The following RBBP5 variants were observed in gnomAD, a reference collection of about 807,000 sequenced individuals.
The protein encoded by RBBP5 is RB binding protein 5, histone lysine methyltransferase complex subunit, also known as retinoblastoma-binding protein 5.
RBBP5 carries 5 observed loss-of-function variants against 72.2 expected under a neutral mutation model. The observed-to-expected ratio is 0.07, with a 90% CI of 0.04 to 0.15. RBBP5 has a LOEUF of 0.15. RBBP5 is among the 10% of genes least tolerant of loss of function. The pLI is 1.00. For missense variants in RBBP5, 322 were observed against 652.2 expected (o/e 0.49, Z 5.51); for synonymous variants, 209 against 237.2 (o/e 0.88, Z 1.09).
At chr1:205,119,860 TG>T (rs1158609895) in intron 1 of RBBP5, among the ~76,000 whole-genome samples, 2 of 152,192 alleles carry the variant, frequency 1.3e-5, no homozygotes, top group Non-Finnish European at 2.9e-5. Flanking sequence ...ATTGTGTGCT[TG>T]GCAATTTTCT....
intron 12 of RBBP5, among the ~76,000 whole-genome samples, chr1:205,095,877 T>C (rs1655592662): frequency 6.6e-6 from 1 of 151,996 alleles, no homozygotes; most frequent in African/African-American, 2.4e-5. Context: ...AGTTGCAAAA[T>C]GTGATCTGCA....
At chr1:205,105,654 G>A (rs991870381) in intron 3 of RBBP5, among the ~76,000 whole-genome samples, 3 of 152,174 alleles carry the variant, frequency 2.0e-5, no homozygotes, top group African/African-American at 7.2e-5. Flanking sequence ...GACAAAAAAG[G>A]TTCTGAAAGG....
intron 3 of RBBP5, among the ~76,000 whole-genome samples, chr1:205,113,588 A>G (rs924781781): frequency 1.3e-5 from 2 of 152,014 alleles, no homozygotes; most frequent in African/African-American, 2.4e-5. Context: ...TTATATTGTG[A>G]TGATGGTTGC....
chr1:205,090,789 T>C (rs1655314250), intron 13 of RBBP5, among the ~76,000 whole-genome samples: 1 of 151,478 alleles, frequency 6.6e-6, no homozygotes, highest in Non-Finnish European at 1.5e-5. Context: ...GTTAATAACA[T>C]CCCACAGAGT....
chr1:205,098,969 C>A lies in RBBP5; in HGVS notation c.1096+20G>T. On this transcript the variant is annotated intron_variant, in intron 10 of 13. Coordinates refer to ENST00000264515, the MANE Select transcript of RBBP5 (RefSeq NM_005057.4). ...TCATTTTCCCTTTAGGAAATCCTGT[C>A]TGCAATTTAGAAATAGTACCTGTCT... 7.0e-7 allele frequency: 1 copy of A among 1,434,932 alleles called. No individual in the cohort carries two copies. Among genetic ancestry groups the A allele is most frequent in the South Asian group, 1.4e-5 (1 of 71,856 alleles). 88.9% of individuals were successfully genotyped at this position (1,434,932 alleles called of 1,614,324 possible).
chr1:205,091,160 T>C (rs1303373518), intron 13 of RBBP5: 1 of 152,282 alleles, frequency 6.6e-6, no homozygotes, highest in Non-Finnish European at 1.5e-5. Flanking sequence ...ATGAGGCCTT[T>C]AGAACGTGTA....
chr1:205,106,566 C>G (rs1226123403), intron 3 of RBBP5, among the ~76,000 whole-genome samples: 2 of 134,156 alleles, frequency 1.5e-5, no homozygotes, highest in African/African-American at 5.0e-5. Context: ...CCACTGGGCT[C>G]CAGCCTAGGC....
intron 1 of RBBP5, among the ~76,000 whole-genome samples, chr1:205,117,818 A>G (rs1042001000): frequency 4.0e-5 from 6 of 151,814 alleles, no homozygotes; most frequent in African/African-American, 1.5e-4. Context: ...ATCCATATAT[A>G]TATTTATTTG....
At position 205,099,628 on chromosome 1, in the gene RBBP5, G is replaced by T; in HGVS notation, c.978+113C>A. 1 of 1,161,616 alleles carries T rather than the reference G, an allele frequency of 8.6e-7. No individual in the cohort carries two copies. The highest frequency in any genetic ancestry group is 1.2e-6 in the Non-Finnish European group (1 of 817,400). 72.0% of individuals were successfully genotyped at this position (1,161,616 alleles called of 1,614,324 possible). A position where few individuals can be genotyped will look rare whatever the true frequency, so the allele number is the denominator to read the frequency against. On this transcript the variant is annotated intron_variant, in intron 9 of 13. Transcript: ENST00000264515. This position sits in a 1 kb window ranked among gnomAD's most constrained non-coding sequence, Gnocchi z 4.7. ...ACTGAACCTATGTAATTTAGGTTGC[G>T]AGAATCATATGCAAAAGAAAATAAA...
chr1:205,116,908 A>C (rs948606069), intron 1 of RBBP5, among the ~76,000 whole-genome samples: 1 of 152,210 alleles, frequency 6.6e-6, no homozygotes, highest in East Asian at 1.9e-4. Context: ...CCTTTAACAA[A>C]AGCAGCGATC....
intron 13 of RBBP5, among the ~76,000 whole-genome samples, chr1:205,093,234 T>C (rs887143469): frequency 2.6e-5 from 4 of 150,964 alleles, no homozygotes; most frequent in African/African-American, 4.9e-5. Context: ...CTGAGGTGGG[T>C]GGATCACTTG....
intron 10 of RBBP5, among the ~76,000 whole-genome samples, chr1:205,098,261 C>T (rs1177500594): frequency 6.6e-6 from 1 of 152,190 alleles, no homozygotes; most frequent in Non-Finnish European, 1.5e-5. Flanking sequence ...TTGCCCAAGG[C>T]AGTCTGACTT....
At chr1:205,096,038 T>A (rs1358205330) in intron 12 of RBBP5, among the ~76,000 whole-genome samples, 1 of 151,412 alleles carries the variant, frequency 6.6e-6, no homozygotes, top group Non-Finnish European at 1.5e-5. Flanking sequence ...ACTAAAAATA[T>A]GAAAATTAGC....
intron 5 of RBBP5, 31 bp from the exon 6 acceptor site, chr1:205,101,740 A>T: frequency 6.8e-7 from 1 of 1,473,532 alleles, no homozygotes; most frequent in Non-Finnish European, 9.5e-7. Flanking sequence ...GAAAAAAGTA[A>T]GTGTTCCAAT....
intron 5 of RBBP5, among the ~76,000 whole-genome samples, 187 bp from the exon 6 acceptor site, chr1:205,101,896 T>C (rs1655839289): frequency 3.4e-4 from 3 of 8,746 alleles, no homozygotes; most frequent in African/African-American, 4.5e-4. Flanking sequence ...AATCTAGTCT[T>C]TTTTTTTTTT....
At chr1:205,093,482 ATATAT>A (rs1655460079) in intron 13 of RBBP5, among the ~76,000 whole-genome samples, 2 of 5,844 alleles carry the variant, frequency 3.4e-4, no homozygotes, top group Admixed American at 4.4e-3. Context: ...AAAAAAAAAT[ATATAT>A]ATATATATAT....
chr1:205,096,646 G>C (rs770915880), intron 12 of RBBP5, 36 bp downstream of exon 12: 1 of 1,584,518 alleles, frequency 6.3e-7, no homozygotes, highest in East Asian at 2.2e-5. Context: ...AGAAAGTGGC[G>C]TCTGCCAGGC....
At chr1:205,110,326 T>C (rs972073501) in intron 3 of RBBP5, among the ~76,000 whole-genome samples, 8 of 152,112 alleles carry the variant, frequency 5.3e-5, no homozygotes, top group Non-Finnish European at 1.0e-4. Flanking sequence ...AGCCAGTACC[T>C]ACCAGTTCTG....
In RBBP5 at chr1:205,086,598, G is replaced by C. The variant is rs530275669; in HGVS notation, c.*2189C>G. Reference sequence around the variant, plus strand: ...GGGCAGGGATGACAAAAAGGAAGAAGAGAATATACATATATTGTACAAATC... The same window carrying C: ...GGGCAGGGATGACAAAAAGGAAGAACAGAATATACATATATTGTACAAATC... On this transcript the variant is annotated 3_prime_UTR_variant, in exon 14 of 14. Transcript: ENST00000264515. 6.6e-6 allele frequency: 1 copy of C among 152,152 alleles called. No individual in the cohort carries two copies. The highest frequency in any genetic ancestry group is 1.9e-4 in the East Asian group (1 of 5,172). 9.4% of individuals were successfully genotyped at this position (152,152 alleles called of 1,614,324 possible).
Sources: allele counts gnomAD v4.1 joint callset (sites outside exome capture counted in the v4.1 genomes callset), GRCh38; gene constraint gnomAD v4.1.1; non-coding constraint Gnocchi (gnomAD v3.1); transcripts MANE v1.5; gene names NCBI Gene and HGNC (gene_info 2026-07-23, HGNC 2026-07-21).